The following PLEC variants were observed in gnomAD, a reference collection of about 807,000 sequenced individuals.
PLEC encodes hemidesmosomal protein 1.
A neutral mutation model predicts 392.8 loss-of-function variants in PLEC; 216 were observed. That is an observed-to-expected ratio of 0.55 (90% CI 0.49 to 0.62). The LOEUF is 0.62. Ranked by LOEUF, PLEC falls within the 20% of genes least tolerant of loss-of-function variation. PLEC has a pLI of 0.00. For synonymous variants in PLEC, 3,621 were observed against 2,980.6 expected (o/e 1.21, Z -7.00); for missense variants, 6,863 against 6,563.4 (o/e 1.05, Z -1.58).
chr8:143,932,068 G>GC (rs782385787), intron 17 of PLEC, 36 bp from the exon 18 acceptor site: 1 of 1,555,018 alleles, frequency 6.4e-7, no homozygotes, highest in South Asian at 1.2e-5. Flanking sequence ...GCCCCGCCCC[G>GC]CCCCGCCTGG....
Position 143,924,546 on chromosome 8 carries a change from G to C in PLEC, c.5383C>G (p.Arg1795Gly). The C allele has an allele frequency of 6.5e-7, 1 of 1,541,654 alleles. No individual in the cohort carries two copies. Among genetic ancestry groups the C allele is most frequent in the Non-Finnish European group, 8.7e-7 (1 of 1,150,594 alleles). The change falls in exon 31 of 32, where the codon CGG becomes GGG. Residue 1795 changes from arginine (R) to glycine (G), a missense_variant. Coordinates refer to ENST00000345136, the MANE Select transcript of PLEC (RefSeq NM_201384.3). ...GCCTCCTCGGCCAGCTCGCGGAACC[G>C]GCCGGCCTCGGCCTCCAGCCTCTGC... ...SKQRLEAEAGRFRELAEEAAR... is the reference protein window; with the variant it reads ...SKQRLEAEAGGFRELAEEAAR...
upstream of PLEC, among the ~76,000 whole-genome samples, chr8:143,975,628 T>A (rs1300497670): frequency 6.7e-6 from 1 of 149,964 alleles, no homozygotes; most frequent in Non-Finnish European, 1.5e-5. The surrounding 1 kb of genome is among the most constrained non-coding windows in gnomAD (Gnocchi z 9.9). Flanking sequence ...CTCAGATACC[T>A]ACACAGTGAC....
intron 1 of PLEC, chr8:143,945,404 G>C (rs781869294): frequency 9.0e-5 from 29 of 320,854 alleles, no homozygotes; most frequent in Non-Finnish European, 1.7e-4. Flanking sequence ...CCGGGCCACA[G>C]GCAGGCCCAC....
rs1554691581 is a variant in PLEC at position 143,923,191 on chromosome 8, G to T, written c.6738C>A (p.Arg2246=). ...TGAGTGCGCGGTTCTCAGCCTCGAT[G>T]CGTGCCTTGAGCTTGCTCAGCTCCT... ...QMEELSKLKA[R]IEAENRALIL... Residue 2246 remains arginine, a synonymous_variant, in exon 31 of 32, where the codon CGC becomes CGA. Transcript: ENST00000345136. 9 of 1,602,608 alleles carry T rather than the reference G, an allele frequency of 5.6e-6. No homozygotes were observed. The highest frequency in any genetic ancestry group is 6.8e-6 in the Non-Finnish European group (8 of 1,179,884).
chr8:143,939,419 C>T lies in PLEC; in HGVS notation c.43G>A (p.Gly15Ser), dbSNP rs782246023. 6.2e-7 allele frequency: 1 copy of T among 1,612,716 alleles called. No individual in the cohort carries two copies. Among genetic ancestry groups the T allele is most frequent in the Non-Finnish European group, 8.5e-7 (1 of 1,179,788 alleles). The change falls in exon 1 of 32, where the codon GGC (glycine) becomes AGC (serine). Residue 15 changes from glycine to serine, a missense_variant. Physicochemically the swap from Gly to Ser is moderately conservative, Grantham distance 56. Coordinates refer to ENST00000345136, the MANE Select transcript of PLEC (RefSeq NM_201384.3). ...TCCTCCGAGCTGGTTCTCTTTCGGC[C>T]CAGGCCCTCGGGCTGCGGCACGCGG... ...QLRVPQPEGL[G>S]RKRTSSEDNL...
chr8:143,932,037 G>C lies in PLEC; in HGVS notation c.2083-5C>G, dbSNP rs782280861. 1 of 1,590,930 alleles carries C rather than the reference G, an allele frequency of 6.3e-7. No homozygotes were observed. Among genetic ancestry groups the C allele is most frequent in the Admixed American group, 1.7e-5 (1 of 57,676 alleles). The stretch of plus-strand genomic sequence containing the variant: ...CTGCAGGGCCGCCTGGAAGGACTGC[G>C]GGACAGCAGGTCCCGGTCAGGCCCC... On this transcript the variant is annotated splice_polypyrimidine_tract_variant and splice_region_variant and intron_variant, in intron 17 of 31. Transcript: ENST00000345136.
intron 30 of PLEC, among the ~76,000 whole-genome samples, chr8:143,926,156 G>T (rs559186491): frequency 1.3e-5 from 2 of 152,206 alleles, no homozygotes; most frequent in Non-Finnish European, 2.9e-5. Context: ...AGACGGACGG[G>T]GAGAGAGAGA....
chr8:143,951,549 T>C (rs1173254957), upstream of PLEC, among the ~76,000 whole-genome samples: 1 of 151,930 alleles, frequency 6.6e-6, no homozygotes, highest in Non-Finnish European at 1.5e-5. Context: ...CAGGCCAGAT[T>C]AGGAGTGGCC....
chr8:143,924,869 C>T lies in PLEC; in HGVS notation c.5060G>A (p.Arg1687Gln), dbSNP rs563046387. The T allele has an allele frequency of 2.2e-5, 35 of 1,588,002 alleles. No homozygotes were observed. Among genetic ancestry groups the T allele is most frequent in the East Asian group, 4.5e-5 (2 of 44,232 alleles). The stretch of plus-strand genomic sequence containing the variant: ...CTCCAGCTCTTGTTCAGCCAGCTCC[C>T]GCTGCCGGACGGCCTGCTCCTCCGC... ...GKAEEQAVRQ[R>Q]ELAEQELEKQ... The change falls in exon 31 of 32, where the codon CGG (arginine) becomes CAG (glutamine). Residue 1687 changes from arginine to glutamine, a missense_variant. Transcript: ENST00000345136.
upstream of PLEC, among the ~76,000 whole-genome samples, chr8:143,944,199 G>A (rs550448324): frequency 2.6e-5 from 4 of 151,526 alleles, no homozygotes; most frequent in South Asian, 2.1e-4. Flanking sequence ...CTGCGTCCCC[G>A]CGGCCACACC....
intron 30 of PLEC, among the ~76,000 whole-genome samples, chr8:143,926,166 A>C (rs1362672641): frequency 1.3e-5 from 2 of 152,182 alleles, no homozygotes; most frequent in Non-Finnish European, 2.9e-5. Context: ...GGAGAGAGAG[A>C]GCAAAGCAGG....
chr8:143,966,693 G>T (rs1448236066), intron 1 of PLEC, among the ~76,000 whole-genome samples: 1 of 151,988 alleles, frequency 6.6e-6, no homozygotes, highest in Non-Finnish European at 1.5e-5. Flanking sequence ...CCCGCGTCAG[G>T]AAGCTGGATT....
At chr8:143,927,380 G>A in intron 27 of PLEC, 30 bp downstream of exon 27, 1 of 1,609,184 alleles carries the variant, frequency 6.2e-7, no homozygotes, top group Non-Finnish European at 8.5e-7. Flanking sequence ...GGCACGCCCA[G>A]CCGCCCCGTC....
chr8:143,935,315 TG>T lies in PLEC; in HGVS notation c.603-3del. The T allele has an allele frequency of 6.3e-7, 1 of 1,599,514 alleles. No homozygotes were observed. The highest frequency in any genetic ancestry group is 8.5e-7 in the Non-Finnish European group (1 of 1,177,988). On this transcript the variant is annotated splice_region_variant and splice_polypyrimidine_tract_variant and intron_variant, in intron 6 of 31. Coordinates refer to ENST00000345136, the MANE Select transcript of PLEC (RefSeq NM_201384.3). Reference sequence around the variant, plus strand: ...TTGTTCATGTCGATGAGCAGGGGCCTGGGACAAGCAGGTGGCTGGTCAGGTG... The same window carrying T: ...TTGTTCATGTCGATGAGCAGGGGCCTGGACAAGCAGGTGGCTGGTCAGGTG...
intron 1 of PLEC, among the ~76,000 whole-genome samples, chr8:143,966,833 G>A (rs1011530480): frequency 6.6e-6 from 1 of 152,128 alleles, no homozygotes; most frequent in South Asian, 2.1e-4. Flanking sequence ...CAAGCCCACG[G>A]CCAGACCCTA....
At chr8:143,949,839 G>A (rs1407353768) in intron 1 of PLEC, among the ~76,000 whole-genome samples, 1 of 152,224 alleles carries the variant, frequency 6.6e-6, no homozygotes, top group Non-Finnish European at 1.5e-5. Context: ...CAGTGCCGAG[G>A]AGCCTCGGGG....
At chr8:143,948,052 G>C (rs1409956229) in intron 1 of PLEC, among the ~76,000 whole-genome samples, 5 of 152,344 alleles carry the variant, frequency 3.3e-5, no homozygotes, top group Non-Finnish European at 7.4e-5. Context: ...ATCTGGGTCT[G>C]GCCCTGGCCT....
At chr8:143,950,424 C>A in exon 1 of PLEC, 1 of 1,601,880 alleles carries the variant, frequency 6.2e-7, no homozygotes, top group Non-Finnish European at 8.5e-7. Flanking sequence ...TGCAGAGAGG[C>A]GGGCACGATC....
At position 143,923,745 on chromosome 8, in the gene PLEC, C is replaced by G; in HGVS notation, c.6184G>C (p.Glu2062Gln). ...TGCAGCGTCTGCTGTAGCTCCTGCT[C>G]CTTCTGCTGCACCGCGAAGGCGTGT... ...KAHAFAVQQK[E>Q]QELQQTLQQE... is the part of the protein sequence containing the mutation. Residue 2062 changes from glutamate (E) to glutamine (Q), a missense_variant, in exon 31 of 32, where the codon GAG becomes CAG. Coordinates refer to ENST00000345136, the MANE Select transcript of PLEC (RefSeq NM_201384.3). 6.5e-7 allele frequency: 1 copy of G among 1,550,218 alleles called. No individual in the cohort carries two copies. The highest frequency in any genetic ancestry group is 8.7e-7 in the Non-Finnish European group (1 of 1,154,724).
Sources: allele counts gnomAD v4.1 joint callset (sites outside exome capture counted in the v4.1 genomes callset), GRCh38; gene constraint gnomAD v4.1.1; non-coding constraint Gnocchi (gnomAD v3.1); transcripts MANE v1.5; gene names NCBI Gene and HGNC (gene_info 2026-07-23, HGNC 2026-07-21).